MIGA1: variants seen among roughly 807,000 people sequenced by gnomAD.
MIGA1 encodes the protein mitoguardin 1, also known as family with sequence similarity 73, member A.
MIGA1 carries 58 observed loss-of-function variants against 82.0 expected under a neutral mutation model. The ratio of observed to expected loss-of-function variants is 0.71; its 90% CI spans 0.57 to 0.88. MIGA1 has a LOEUF of 0.88. MIGA1 is among the 40% of genes least tolerant of loss of function. MIGA1 has a pLI of 0.00. For missense variants in MIGA1, 751 were observed against 749.1 expected, an observed-to-expected ratio of 1.00 and a Z score of -0.03; for synonymous variants, 249 against 253.6, an observed-to-expected ratio of 0.98 and a Z score of 0.17.
intron 8 of MIGA1, chr1:77,853,482 A>C (rs1014513060): frequency 1.2e-5 from 2 of 163,272 alleles, no homozygotes; most frequent in African/African-American, 4.8e-5. Context: ...TAATCCCAGC[A>C]CTTTGGGAGG....
Position 77,803,489 on chromosome 1 carries a change from T to C in MIGA1, c.510+83T>C, listed in dbSNP as rs376196248. 12 of 527,552 alleles carry C rather than the reference T, an allele frequency of 2.3e-5. No individual in the cohort carries two copies. In the East Asian group the frequency reaches 2.8e-4, roughly 12 times the overall value. 32.7% of individuals were successfully genotyped at this position (527,552 alleles called of 1,614,324 possible). Reference sequence around the variant, plus strand: ...TATTAGTTTAAGTGTCATATACTTATAGTTCTTAGTATGGAAATACTCTTA... The same window carrying C: ...TATTAGTTTAAGTGTCATATACTTACAGTTCTTAGTATGGAAATACTCTTA... On this transcript the variant is annotated intron_variant, in intron 4 of 15. Transcript: ENST00000370791.
intron 2 of MIGA1, among the ~76,000 whole-genome samples, chr1:77,800,145 C>T (rs1175145849): frequency 1.3e-5 from 2 of 152,204 alleles, no homozygotes; most frequent in Admixed American, 1.3e-4. Flanking sequence ...TGCTGTTTCC[C>T]TCCCTCTGTA....
At chr1:77,843,852 A>T (rs1381652453) in intron 8 of MIGA1, among the ~76,000 whole-genome samples, 1 of 151,998 alleles carries the variant, frequency 6.6e-6, no homozygotes, top group East Asian at 1.9e-4. Flanking sequence ...TATTCCCAGT[A>T]CTTTAGGAGG....
chr1:77,811,414 G>A lies in MIGA1; in HGVS notation c.638-2320G>A, dbSNP rs1035984927. The A allele has an allele frequency of 1.9e-6, 3 of 1,587,292 alleles. No individual in the cohort carries two copies. In the African/African-American group the frequency reaches 4.0e-5, roughly 21 times the overall value. ...AAATTCCAAATTCTCTTCTTCACCAGGTGCCAAAATTCTTCTTAATGGGAC... is the reference window on the plus strand; with the variant it reads ...AAATTCCAAATTCTCTTCTTCACCAAGTGCCAAAATTCTTCTTAATGGGAC... On this transcript the variant is annotated intron_variant, in intron 5 of 15. Transcript: ENST00000370791.
rs1248402654 is a variant in MIGA1, at chr1:77,877,771, A to C, written c.*2707A>C. The C allele has an allele frequency of 6.6e-6, 1 of 152,666 alleles. No homozygotes were observed. The highest frequency in any genetic ancestry group is 2.4e-5 in the African/African-American group (1 of 41,462). The allele number at this position is 152,666 out of a possible 1,614,324, so 9.5% of individuals were successfully genotyped here. The stretch of plus-strand genomic sequence containing the variant: ...CTACATGAGATAACTCTGGGGAATT[A>C]ATTTTATGAGATAAGATGAATGGCT... On this transcript the variant is annotated 3_prime_UTR_variant, in exon 16 of 16. Coordinates refer to ENST00000370791, the MANE Select transcript of MIGA1 (RefSeq NM_198549.4).
chr1:77,796,543 T>G (rs996069597), intron 2 of MIGA1, among the ~76,000 whole-genome samples: 1 of 152,064 alleles, frequency 6.6e-6, no homozygotes, highest in African/African-American at 2.4e-5. Flanking sequence ...CTGCCTCAGT[T>G]TTCCAAATAG....
chr1:77,816,928 A>C (rs978103486), intron 7 of MIGA1, among the ~76,000 whole-genome samples: 3 of 152,322 alleles, frequency 2.0e-5, no homozygotes, highest in Admixed American at 2.0e-4. Context: ...GAGAAAAGTA[A>C]GTAGGAAAAA....
chr1:77,843,228 C>T, intron 7 of MIGA1, 79 bp from the exon 8 acceptor site: 1 of 1,054,470 alleles, frequency 9.5e-7, no homozygotes, highest in South Asian at 1.5e-5. Flanking sequence ...GGGGAAAAAT[C>T]AAAATCAAAC....
At chr1:77,788,669 T>C (rs557238301) in intron 2 of MIGA1, among the ~76,000 whole-genome samples, 62 of 152,334 alleles carry the variant, frequency 4.1e-4, no homozygotes, top group Middle Eastern at 3.4e-3. Flanking sequence ...AAGGGTCCAG[T>C]TTTCCCTATA....
At chr1:77,782,843 C>T (rs917332577) in intron 1 of MIGA1, 19 of 984,468 alleles carry the variant, frequency 1.9e-5, no homozygotes, top group Non-Finnish European at 2.3e-5. Context: ...GCCACCTACT[C>T]TCACCCCCGC....
intron 8 of MIGA1, among the ~76,000 whole-genome samples, chr1:77,854,045 A>G (rs1571000136): frequency 6.6e-6 from 1 of 151,026 alleles, no homozygotes; most frequent in Non-Finnish European, 1.5e-5. Context: ...CCCCCCTCCT[A>G]CTCTTCCCCT....
intron 7 of MIGA1, among the ~76,000 whole-genome samples, chr1:77,842,548 T>TG (rs1684665118): frequency 2.0e-5 from 3 of 152,166 alleles, no homozygotes; most frequent in East Asian, 1.9e-4. Context: ...AATTGTTTTT[T>TG]TTTGTTGTTG....
chr1:77,788,142 A>T (rs1180990592), intron 2 of MIGA1, among the ~76,000 whole-genome samples: 1 of 152,216 alleles, frequency 6.6e-6, no homozygotes, highest in Admixed American at 6.5e-5. Flanking sequence ...AGCTGGGATT[A>T]TAGGCATGTG....
intron 10 of MIGA1, 24 bp from the exon 11 acceptor site, chr1:77,860,016 C>T (rs1456529907): frequency 3.3e-6 from 5 of 1,517,954 alleles, no homozygotes; most frequent in Admixed American, 1.8e-5. Flanking sequence ...TCTCTTTTTT[C>T]TTTGGGGATG....
intron 14 of MIGA1, among the ~76,000 whole-genome samples, chr1:77,872,339 G>A (rs1646852690): frequency 1.3e-5 from 2 of 152,132 alleles, no homozygotes; most frequent in African/African-American, 2.4e-5. Flanking sequence ...GGCAGCTCAC[G>A]CCTGTAATCC....
At chr1:77,860,375 G>A (rs1685417236) in intron 11 of MIGA1, 1 of 413,154 alleles carries the variant, frequency 2.4e-6, no homozygotes, top group Admixed American at 4.2e-5. Flanking sequence ...CATTAGATCT[G>A]CTGCTATAAC....
intron 2 of MIGA1, among the ~76,000 whole-genome samples, chr1:77,801,094 G>A (rs1166113868): frequency 1.3e-5 from 2 of 151,974 alleles, no homozygotes; most frequent in Non-Finnish European, 2.9e-5. Context: ...TGCTCCTATT[G>A]ACTTTGGGGT....
At chr1:77,839,064 A>G (rs1684532642) in intron 7 of MIGA1, among the ~76,000 whole-genome samples, 1 of 152,120 alleles carries the variant, frequency 6.6e-6, no homozygotes, top group Non-Finnish European at 1.5e-5. Context: ...ATAAGCATGC[A>G]TTTCTGTAAA....
chr1:77,820,638 A>T (rs369119136), intron 7 of MIGA1, among the ~76,000 whole-genome samples: 1 of 151,954 alleles, frequency 6.6e-6, no homozygotes, highest in Non-Finnish European at 1.5e-5. Flanking sequence ...TTCTTATTCT[A>T]CCTTTCTGAT....
Sources: gnomAD v4.1 joint callset for allele counts (sites outside exome capture counted in the v4.1 genomes callset) on GRCh38, gnomAD v4.1.1 for gene constraint, MANE v1.5 for transcripts, NCBI Gene and HGNC (gene_info 2026-07-23, HGNC 2026-07-21) for gene names.